RBFOX1: variants seen among roughly 807,000 people sequenced by gnomAD.
RBFOX1 encodes the protein RNA binding fox-1 homolog 1.
Under a neutral mutation model 57.7 loss-of-function variants are expected in RBFOX1, and 8 were observed. That is an observed-to-expected ratio of 0.14 (90% CI 0.08 to 0.25). The LOEUF (loss-of-function observed/expected upper bound fraction) is 0.25. Among genes scored for constraint, RBFOX1 ranks in the 10% least tolerant of loss-of-function variants. The pLI, the probability that RBFOX1 is intolerant of heterozygous loss-of-function variation, is 1.00. For synonymous variants in RBFOX1, 326 were observed against 222.4 expected (o/e 1.47, Z -4.15); for missense variants, 611 against 548.5 (o/e 1.11, Z -1.14).
intron 3 of RBFOX1, among the ~76,000 whole-genome samples, chr16:6,828,927 C>A (rs962359727): frequency 6.6e-6 from 1 of 152,088 alleles, no homozygotes; most frequent in African/African-American, 2.4e-5. Context: ...GCATGGTGCT[C>A]TCTTGAGTCC....
chr16:5,530,956 A>C (rs1405357781), intron 2 of RBFOX1, among the ~76,000 whole-genome samples: 2 of 91,782 alleles, frequency 2.2e-5, no homozygotes, highest in African/African-American at 1.2e-4. Flanking sequence ...AAAAAAAAAA[A>C]AAAAAAAAAA....
At chr16:6,059,737 C>T (rs1478152357) in intron 1 of RBFOX1, among the ~76,000 whole-genome samples, 1 of 152,130 alleles carries the variant, frequency 6.6e-6, no homozygotes, top group Non-Finnish European at 1.5e-5. Context: ...CCTCTACCAT[C>T]TGTTTATCTA....
intron 5 of RBFOX1, among the ~76,000 whole-genome samples, chr16:7,558,515 A>C (rs2089427973): frequency 6.6e-6 from 1 of 152,140 alleles, no homozygotes; most frequent in African/African-American, 2.4e-5. Flanking sequence ...GTATATACAT[A>C]TACAACATAT....
intron 2 of RBFOX1, among the ~76,000 whole-genome samples, chr16:6,582,461 A>AT (rs5815331): frequency 0.57 from 83,632 of 146,912 alleles, 24,062 homozygotes; most frequent in East Asian, 0.7. Context: ...GTTAGCGCCA[A>AT]TTTTTTTTTT....
intron 3 of RBFOX1, among the ~76,000 whole-genome samples, chr16:5,785,389 G>A (rs1412238861): frequency 6.6e-6 from 1 of 152,128 alleles, no homozygotes; most frequent in Non-Finnish European, 1.5e-5. Context: ...GGGTGGTGGG[G>A]CAGGAAATGA....
At chr16:7,685,507 C>G (rs1345048869) in intron 14 of RBFOX1, among the ~76,000 whole-genome samples, 1 of 152,034 alleles carries the variant, frequency 6.6e-6, no homozygotes, top group Non-Finnish European at 1.5e-5. Flanking sequence ...ACTTTACTGA[C>G]CCTCAGTTTT....
At chr16:6,016,862 T>C (rs76034886), upstream of RBFOX1, among the ~76,000 whole-genome samples, 105 of 152,298 alleles carry the variant, frequency 6.9e-4, no homozygotes, top group African/African-American at 2.4e-3. Flanking sequence ...AAGAAACTAA[T>C]ACTTTCCAAA....
chr16:7,442,584 A>C (rs537285513), intron 4 of RBFOX1, among the ~76,000 whole-genome samples: 2 of 152,144 alleles, frequency 1.3e-5, no homozygotes, highest in Non-Finnish European at 2.9e-5. Flanking sequence ...TGTCCCTGCA[A>C]CTAGCTTCAG....
intron 9 of RBFOX1, among the ~76,000 whole-genome samples, chr16:7,600,849 C>T (rs533046254): frequency 1.3e-5 from 2 of 152,162 alleles, no homozygotes; most frequent in South Asian, 4.2e-4. Flanking sequence ...ATACTATTCT[C>T]AGGATATTTA....
intron 3 of RBFOX1, among the ~76,000 whole-genome samples, chr16:6,831,915 C>T (rs1001526322): frequency 1.3e-5 from 2 of 152,174 alleles, no homozygotes; most frequent in African/African-American, 4.8e-5. Context: ...TGACGAAGAA[C>T]TTACAGTTCT....
At chr16:5,765,120 T>C (rs1355978858) in intron 3 of RBFOX1, among the ~76,000 whole-genome samples, 2 of 152,158 alleles carry the variant, frequency 1.3e-5, no homozygotes, top group Non-Finnish European at 1.5e-5. Flanking sequence ...CTTCTAATTA[T>C]TGGGAAGCCC....
intron 14 of RBFOX1, among the ~76,000 whole-genome samples, chr16:7,702,746 A>G (rs767115038): frequency 6.6e-6 from 1 of 152,184 alleles, no homozygotes. Flanking sequence ...TCTGGAATGT[A>G]TGTTCCAGAT....
chr16:6,274,645 C>G (rs907957006), intron 1 of RBFOX1, among the ~76,000 whole-genome samples: 9 of 152,130 alleles, frequency 5.9e-5, no homozygotes, highest in African/African-American at 1.7e-4. Flanking sequence ...ACGCAATCCC[C>G]TGATATCATA....
chr16:7,189,907 A>G (rs769077289), intron 4 of RBFOX1, among the ~76,000 whole-genome samples: 2 of 152,262 alleles, frequency 1.3e-5, no homozygotes, highest in Non-Finnish European at 2.9e-5. Context: ...AAAACAGATC[A>G]TTCTCCTAAT....
chr16:7,190,954 C>T (rs192155223), intron 4 of RBFOX1, among the ~76,000 whole-genome samples: 2 of 151,688 alleles, frequency 1.3e-5, no homozygotes. Flanking sequence ...TCTCCCTAAT[C>T]ATCTCAATCA....
intron 3 of RBFOX1, among the ~76,000 whole-genome samples, chr16:7,034,833 TTTTTTTTCTTTTTTC>T (rs1207119634): frequency 6.1e-5 from 7 of 114,158 alleles, no homozygotes; most frequent in African/African-American, 7.4e-5. Context: ...ATTACTTTTT[TTTTTTTTCTTTTTTC>T]TTTTTTTTTT....
intron 4 of RBFOX1, among the ~76,000 whole-genome samples, chr16:7,444,357 TA>T (rs1185735990): frequency 3.3e-5 from 5 of 152,108 alleles, no homozygotes; most frequent in African/African-American, 1.2e-4. Context: ...AGAAGTTAGT[TA>T]TCTAGATGTT....
intron 3 of RBFOX1, among the ~76,000 whole-genome samples, chr16:7,014,938 C>G (rs2153662015): frequency 6.6e-6 from 1 of 152,220 alleles, no homozygotes; most frequent in Middle Eastern, 3.4e-3. Context: ...ATTGGCCAGG[C>G]TGGTCTCAAA....
At chr16:6,662,918 A>G (rs913201752) in intron 3 of RBFOX1, among the ~76,000 whole-genome samples, 20 of 152,234 alleles carry the variant, frequency 1.3e-4, no homozygotes, top group Non-Finnish European at 2.1e-4. Context: ...AACAGAAACA[A>G]TTTAAAGAAA....
Sources: gnomAD v4.1 joint callset for allele counts (sites outside exome capture counted in the v4.1 genomes callset) on GRCh38, gnomAD v4.1.1 for gene constraint, MANE v1.5 for transcripts, NCBI Gene and HGNC (gene_info 2026-07-23, HGNC 2026-07-21) for gene names.